The following COL23A1 variants were observed in gnomAD, a reference collection of about 807,000 sequenced individuals.
COL23A1 encodes collagen alpha-1(XXIII) chain.
Under a neutral mutation model 99.3 loss-of-function variants are expected in COL23A1, and 97 were observed. The observed-to-expected ratio is 0.98, with a 90% CI of 0.83 to 1.16. The LOEUF (loss-of-function observed/expected upper bound fraction) is 1.16, where lower values mean the gene tolerates loss of function less well. COL23A1 is among the 50% of genes most tolerant of loss of function. COL23A1 has a pLI of 0.00. For missense variants in COL23A1, 762 were observed against 757.4 expected, an observed-to-expected ratio of 1.01 and a Z score of -0.07; for synonymous variants, 320 against 308.2, an observed-to-expected ratio of 1.04 and a Z score of -0.40.
intron 2 of COL23A1, among the ~76,000 whole-genome samples, chr5:178,497,901 G>A (rs555694842): frequency 6.6e-6 from 1 of 151,894 alleles, no homozygotes; most frequent in South Asian, 2.1e-4. Context: ...AAAAATTGGA[G>A]AAAAGGCATA....
In COL23A1 at chr5:178,467,662, C is replaced by G. The variant is rs186653005; in HGVS notation, c.361+93020G>C. The stretch of plus-strand genomic sequence containing the variant: ...CCAAATCCCCACCCCACGGCACACC[C>G]GCTTCGTGATTTCTGCCAGAGCCAC... On this transcript the variant is annotated intron_variant, in intron 2 of 28. Transcript: ENST00000390654. Among the ~76,000 whole-genome samples, 581 of 152,272 alleles carry G rather than the reference C, an allele frequency of 3.8e-3. 2 individuals carry two copies. Among genetic ancestry groups the G allele is most frequent in the African/African-American group, 0.013 (544 of 41,552 alleles).
rs764202992 is a variant in COL23A1 at position 178,255,815 on chromosome 5, AT to A, written c.882+537del. On this transcript the variant is annotated intron_variant, in intron 15 of 28. Coordinates refer to ENST00000390654, the MANE Select transcript of COL23A1 (RefSeq NM_173465.4). The surrounding 1 kb of genome is among the most constrained non-coding windows in gnomAD (Gnocchi z 4.2). ...CACAGCCAGGCGGGGGCTCAGATCC[AT>A]TTTTTTTGGAGGAAGAAGCCAGCCT... The A allele has an allele frequency of 8.1e-4, 319 of 395,002 alleles. No individual in the cohort carries two copies. Among genetic ancestry groups the A allele is most frequent in the East Asian group, 1.3e-3 (14 of 10,696 alleles). 24.5% of individuals were successfully genotyped at this position (395,002 alleles called of 1,614,324 possible). A position where few individuals can be genotyped will look rare whatever the true frequency, so the allele number is the denominator to read the frequency against.
chr5:178,373,882 G>A (rs1026050609), intron 2 of COL23A1, among the ~76,000 whole-genome samples: 2 of 152,204 alleles, frequency 1.3e-5, no homozygotes, highest in Non-Finnish European at 2.9e-5. Context: ...GGCAGAGCAG[G>A]GCAGTCAGAG....
rs1765543493 is a variant in COL23A1 at position 178,420,378 on chromosome 5, C to T, written c.362-113459G>A. On this transcript the variant is annotated intron_variant, in intron 2 of 28. Transcript: ENST00000390654. ...CCTGCCCCTCCTCTCTTTCCTCCTC[C>T]CCTCCCCCCTTTCCCCCTCCCCTCC... 2.2e-5 allele frequency among the ~76,000 whole-genome samples: 3 copies of T among 133,730 alleles called. No homozygotes were observed. In the South Asian group the frequency reaches 8.2e-4, roughly 36 times the overall value. The allele number at this position is 133,730 out of a possible 152,430, so 87.7% of individuals were successfully genotyped here. A position where few individuals can be genotyped will look rare whatever the true frequency, so the allele number is the denominator to read the frequency against.
At chr5:178,460,310 T>A in intron 2 of COL23A1, among the ~76,000 whole-genome samples, 1 of 150,932 alleles carries the variant, frequency 6.6e-6, no homozygotes, top group Non-Finnish European at 1.5e-5. Flanking sequence ...AAGGGGAAAA[T>A]AACCACAAAG....
chr5:178,559,270 G>A (rs1158795239), intron 2 of COL23A1, among the ~76,000 whole-genome samples: 1 of 152,204 alleles, frequency 6.6e-6, no homozygotes, highest in Non-Finnish European at 1.5e-5. Flanking sequence ...GAAATCTCGG[G>A]GCATCTCCCA....
intron 2 of COL23A1, among the ~76,000 whole-genome samples, chr5:178,380,708 C>G (rs1229985264): frequency 1.3e-5 from 2 of 152,168 alleles, no homozygotes; most frequent in Non-Finnish European, 2.9e-5. Flanking sequence ...ACGGCCGGGA[C>G]AGAGGCAGGG....
intron 2 of COL23A1, among the ~76,000 whole-genome samples, chr5:178,460,790 G>T (rs1015525383): frequency 1.3e-5 from 2 of 152,158 alleles, no homozygotes; most frequent in African/African-American, 4.8e-5. Context: ...GGTCTTACCA[G>T]CCGTATGTTG....
At chr5:178,425,738 TGCAGTGCACCA>T (rs1765894553) in intron 2 of COL23A1, among the ~76,000 whole-genome samples, 2 of 152,244 alleles carry the variant, frequency 1.3e-5, no homozygotes, top group African/African-American at 4.8e-5. Context: ...CAAAGATGGC[TGCAGTGCACCA>T]GCATCTGCCT....
intron 1 of COL23A1, chr5:178,562,248 A>AC: frequency 2.8e-5 from 9 of 322,856 alleles, no homozygotes; most frequent in East Asian, 1.8e-4. Flanking sequence ...TCTCAAAAAA[A>AC]GAAAAAAAAA....
At chr5:178,533,190 C>T (rs564120452) in intron 2 of COL23A1, among the ~76,000 whole-genome samples, 47 of 152,232 alleles carry the variant, frequency 3.1e-4, no homozygotes, top group African/African-American at 1.0e-3. Flanking sequence ...TTTTTTATTG[C>T]GGTAAAGTGT....
At chr5:178,321,113 AACTATTCTG>A (rs1759277305) in intron 2 of COL23A1, among the ~76,000 whole-genome samples, 1 of 152,234 alleles carries the variant, frequency 6.6e-6, no homozygotes, top group Non-Finnish European at 1.5e-5. Context: ...TAAATTTCTA[AACTATTCTG>A]TAAAAACTGT....
At chr5:178,285,081 G>C (rs1364868080) in intron 5 of COL23A1, among the ~76,000 whole-genome samples, 3 of 152,174 alleles carry the variant, frequency 2.0e-5, no homozygotes, top group Admixed American at 6.5e-5. Context: ...CTCTGTACAC[G>C]GAGGGCATGG....
chr5:178,585,064 T>A (rs1325769058), intron 1 of COL23A1, among the ~76,000 whole-genome samples: 2 of 152,164 alleles, frequency 1.3e-5, no homozygotes, highest in Non-Finnish European at 2.9e-5. Flanking sequence ...CCCATCAACC[T>A]TCCCTTCAGC....
At position 178,238,601 on chromosome 5, in the gene COL23A1, G is replaced by T; in HGVS notation, c.*97C>A. Reference sequence around the variant, plus strand: ...TGAATGTTAAAAGGCCACAGGTAGCGCATTCCATGAAAAAAGATCAATATA... The same window carrying T: ...TGAATGTTAAAAGGCCACAGGTAGCTCATTCCATGAAAAAAGATCAATATA... On this transcript the variant is annotated 3_prime_UTR_variant, in exon 29 of 29. Transcript: ENST00000390654. 3 of 1,473,626 alleles carry T rather than the reference G, an allele frequency of 2.0e-6. No individual in the cohort carries two copies. Among genetic ancestry groups the T allele is most frequent in the South Asian group, 2.3e-5 (2 of 87,660 alleles). The allele number at this position is 1,473,626 out of a possible 1,614,324, so 91.3% of individuals were successfully genotyped here.
intron 25 of COL23A1, among the ~76,000 whole-genome samples, chr5:178,244,014 C>G (rs1282844253): frequency 6.6e-6 from 1 of 152,208 alleles, no homozygotes; most frequent in Non-Finnish European, 1.5e-5. Flanking sequence ...GAGTCTCACT[C>G]TGTTGCCCAG....
chr5:178,585,417 TCC>T (rs1763891933), intron 1 of COL23A1, among the ~76,000 whole-genome samples: 1 of 146,732 alleles, frequency 6.8e-6, no homozygotes, highest in Non-Finnish European at 1.5e-5. Context: ...TGGGTAACAC[TCC>T]ACAGCCCTGG....
intron 2 of COL23A1, among the ~76,000 whole-genome samples, chr5:178,433,335 G>C (rs1448841602): frequency 6.6e-6 from 1 of 152,150 alleles, no homozygotes; most frequent in Non-Finnish European, 1.5e-5. Context: ...GAATACAAAT[G>C]AACAGCCAGA....
In COL23A1 at chr5:178,256,379, C is replaced by T. The variant is rs1360591757; in HGVS notation, c.856G>A (p.Gly286Ser). 1 of 1,607,362 alleles carries T rather than the reference C, an allele frequency of 6.2e-7. No individual in the cohort carries two copies. Among genetic ancestry groups the T allele is most frequent in the East Asian group, 2.2e-5 (1 of 44,778 alleles). ...CGGGGCCCTGCAGCTCCATCCGTGCCTCGGTGGCCAGGCTCCCCCTGTGGA... is the reference window on the plus strand; with the variant it reads ...CGGGGCCCTGCAGCTCCATCCGTGCTTCGGTGGCCAGGCTCCCCCTGTGGA... ...PGPKGEPGHR[G>S]TDGAAGPRGA... The change falls in exon 15 of 29, where the codon GGC (glycine) becomes AGC (serine). Residue 286 changes from glycine to serine, a missense_variant. Physicochemically the swap from Gly to Ser is moderately conservative, Grantham distance 56. Transcript: ENST00000390654.
Sources: gnomAD v4.1 joint callset for allele counts (sites outside exome capture counted in the v4.1 genomes callset) on GRCh38, gnomAD v4.1.1 for gene constraint, Gnocchi (gnomAD v3.1) non-coding constraint, MANE v1.5 for transcripts, NCBI Gene and HGNC (gene_info 2026-07-23, HGNC 2026-07-21) for gene names.